The following SLC9D1 variants were observed in gnomAD, a reference collection of about 807,000 sequenced individuals.
SLC9D1 encodes putative LAG1-interacting protein.
At chr13:113,497,534 C>T in the SLC9D1 span, among the ~76,000 whole-genome samples, 3 of 147,986 alleles carry the variant, frequency 2.0e-5, no homozygotes, top group Non-Finnish European at 4.5e-5. Flanking sequence ...TGTGTGAGAC[C>T]TGCAGCTGTG....
chr13:113,523,486 G>C, the SLC9D1 span, among the ~76,000 whole-genome samples: 1 of 151,970 alleles, frequency 6.6e-6, no homozygotes, highest in African/African-American at 2.4e-5. Flanking sequence ...ATGTCCACAG[G>C]GTCTGTAGTG....
At chr13:113,531,926 G>A in the SLC9D1 span, among the ~76,000 whole-genome samples, 1 of 152,216 alleles carries the variant, frequency 6.6e-6, no homozygotes, top group South Asian at 2.1e-4. Flanking sequence ...TGGAGAGCTT[G>A]TGTAGCCGTT....
the SLC9D1 span, chr13:113,549,399 AC>A: frequency 6.2e-7 from 1 of 1,611,486 alleles, no homozygotes; most frequent in South Asian, 1.1e-5. Flanking sequence ...AGTCTCTGTG[AC>A]CCGCTCTGCA....
the SLC9D1 span, chr13:113,524,196 C>A: frequency 4.4e-6 from 2 of 455,566 alleles, no homozygotes; most frequent in Non-Finnish European, 8.8e-6. Flanking sequence ...ATTGAAGTCC[C>A]CCGTTAGAAT....
chr13:113,527,851 G>A, the SLC9D1 span: 2 of 152,182 alleles, frequency 1.3e-5, no homozygotes, highest in Admixed American at 1.3e-4. Flanking sequence ...GACCGTCCTC[G>A]GTCCGTTTCT....
At chr13:113,510,059 G>A in the SLC9D1 span, among the ~76,000 whole-genome samples, 1 of 152,154 alleles carries the variant, frequency 6.6e-6, no homozygotes, top group African/African-American at 2.4e-5. Context: ...CTGTGACAGT[G>A]CCTGGCACAG....
the SLC9D1 span, among the ~76,000 whole-genome samples, chr13:113,530,775 C>T: frequency 6.6e-6 from 1 of 152,132 alleles, no homozygotes; most frequent in Non-Finnish European, 1.5e-5. Context: ...ATATTAAAGA[C>T]AGAGGCTTAT....
chr13:113,540,765 G>T, the SLC9D1 span, among the ~76,000 whole-genome samples: 2 of 152,216 alleles, frequency 1.3e-5, no homozygotes, highest in African/African-American at 2.4e-5. Flanking sequence ...TTACCGTTGC[G>T]ATTGCGTTTG....
chr13:113,501,777 C>T, the SLC9D1 span: 1 of 1,610,206 alleles, frequency 6.2e-7, no homozygotes, highest in Non-Finnish European at 8.5e-7. Flanking sequence ...GGAATGCTGT[C>T]CTTGCCTTGT....
At chr13:113,521,242 G>GGT in the SLC9D1 span, among the ~76,000 whole-genome samples, 411 of 151,568 alleles carry the variant, frequency 2.7e-3, 2 homozygotes, top group Middle Eastern at 0.01. Context: ...CTGCATGTGT[G>GGT]GTGTGTGTGT....
At chr13:113,535,135 C>T in the SLC9D1 span, 1 of 152,232 alleles carries the variant, frequency 6.6e-6, no homozygotes, top group Non-Finnish European at 1.5e-5. The surrounding 1 kb of genome is among the most constrained non-coding windows in gnomAD (Gnocchi z 4.1). Flanking sequence ...AATATCAAAC[C>T]ATGCTACTCT....
At chr13:113,509,363 C>CTGGTGGGCT in the SLC9D1 span, among the ~76,000 whole-genome samples, 1 of 138,096 alleles carries the variant, frequency 7.2e-6, no homozygotes, top group Non-Finnish European at 1.5e-5. Context: ...TATGTTGGGG[C>CTGGTGGGCT]TGGTGGGCTT....
At chr13:113,543,110 C>CCTCCCGCCCTACCTCTGTCTGTGA in the SLC9D1 span, among the ~76,000 whole-genome samples, 20 of 108,682 alleles carry the variant, frequency 1.8e-4, no homozygotes, top group African/African-American at 7.0e-4. Flanking sequence ...CCTCCCCCTG[C>CCTCCCGCCCTACCTCTGTCTGTGA]CCCCAGCCCT....
At chr13:113,508,085 T>G in the SLC9D1 span, among the ~76,000 whole-genome samples, 1 of 152,352 alleles carries the variant, frequency 6.6e-6, no homozygotes, top group East Asian at 1.9e-4. Flanking sequence ...CCTTTCCTGG[T>G]GCCGTTTCCC....
At chr13:113,497,930 C>T in the SLC9D1 span, among the ~76,000 whole-genome samples, 28,192 of 152,168 alleles carry the variant, frequency 0.19, 3,448 homozygotes, top group African/African-American at 0.35. Flanking sequence ...AACAGCTTTC[C>T]CTTGTAACTT....
the SLC9D1 span, among the ~76,000 whole-genome samples, chr13:113,515,056 A>G: frequency 6.6e-6 from 1 of 152,222 alleles, no homozygotes; most frequent in East Asian, 1.9e-4. Flanking sequence ...ATTGGCAAGA[A>G]TGTGGAGTTG....
At chr13:113,507,948 G>T in the SLC9D1 span, among the ~76,000 whole-genome samples, 2 of 152,252 alleles carry the variant, frequency 1.3e-5, no homozygotes, top group African/African-American at 4.8e-5. Flanking sequence ...CAGCCCACAG[G>T]CAGCCATCTG....
the SLC9D1 span, among the ~76,000 whole-genome samples, chr13:113,518,662 A>T: frequency 6.6e-6 from 1 of 152,184 alleles, no homozygotes. Context: ...TGCGAGATGA[A>T]GAGAGATGCG....
chr13:113,533,309 T>C, the SLC9D1 span, among the ~76,000 whole-genome samples: 1 of 152,116 alleles, frequency 6.6e-6, no homozygotes, highest in African/African-American at 2.4e-5. Flanking sequence ...CCAGCTCTGC[T>C]GTGGTTCCCC....
Sources: allele counts gnomAD v4.1 joint callset (sites outside exome capture counted in the v4.1 genomes callset), GRCh38; gene constraint gnomAD v4.1.1; non-coding constraint Gnocchi (gnomAD v3.1); transcripts MANE v1.5; gene names NCBI Gene and HGNC (gene_info 2026-07-23, HGNC 2026-07-21).